Variants in EXOC6B observed in about 807,000 individuals in gnomAD.
EXOC6B encodes the protein SEC15 homolog B.
Under a neutral mutation model 113.5 loss-of-function variants are expected in EXOC6B, and 54 were observed. The ratio of observed to expected loss-of-function variants is 0.48; its 90% CI spans 0.38 to 0.60. EXOC6B has a LOEUF of 0.60. Among genes scored for constraint, EXOC6B ranks in the 20% least tolerant of loss-of-function variants. The probability of loss-of-function intolerance (pLI) is 0.00; values close to 1 mark genes in which losing one functional copy is unlikely to be tolerated. For missense variants in EXOC6B, 797 were observed against 977.5 expected (o/e 0.82, Z 2.46); for synonymous variants, 357 against 339.0 (o/e 1.05, Z -0.58).
At chr2:72,624,434 T>C (rs1671929638) in intron 6 of EXOC6B, among the ~76,000 whole-genome samples, 1 of 152,060 alleles carries the variant, frequency 6.6e-6, no homozygotes, top group African/African-American at 2.4e-5. Context: ...TGATCTTACT[T>C]ATAAAAATAA....
intron 20 of EXOC6B, among the ~76,000 whole-genome samples, chr2:72,213,815 A>T (rs1232196210): frequency 6.6e-6 from 1 of 152,116 alleles, no homozygotes; most frequent in African/African-American, 2.4e-5. Context: ...ACACAGCAAG[A>T]AGTTTCCATG....
intron 18 of EXOC6B, among the ~76,000 whole-genome samples, chr2:72,391,011 G>A (rs550959574): frequency 2.0e-5 from 3 of 151,918 alleles, no homozygotes; most frequent in South Asian, 2.1e-4. Context: ...CAGTTATTTC[G>A]TCCCCAAACT....
chr2:72,277,136 C>G (rs1010733349), intron 20 of EXOC6B, among the ~76,000 whole-genome samples: 73 of 152,098 alleles, frequency 4.8e-4, no homozygotes, highest in South Asian at 2.1e-4. Context: ...TAGTTAAGTG[C>G]CCTCCCATAA....
At chr2:72,332,654 A>G (rs1256555267) in intron 20 of EXOC6B, among the ~76,000 whole-genome samples, 5 of 152,132 alleles carry the variant, frequency 3.3e-5, no homozygotes, top group African/African-American at 4.8e-5. Flanking sequence ...ATATTCAATC[A>G]AAGTCTGGGG....
At chr2:72,628,226 C>A (rs972399795) in intron 6 of EXOC6B, among the ~76,000 whole-genome samples, 2 of 151,788 alleles carry the variant, frequency 1.3e-5, no homozygotes, top group Non-Finnish European at 2.9e-5. Context: ...CTGGGCTCAA[C>A]AATCCTCCCA....
chr2:72,709,855 C>T (rs993770463), intron 6 of EXOC6B, among the ~76,000 whole-genome samples: 1 of 151,798 alleles, frequency 6.6e-6, no homozygotes, highest in African/African-American at 2.4e-5. Context: ...TTAAAGCCAT[C>T]ACTGAAAATA....
At chr2:72,446,803 T>C (rs1696611194) in intron 18 of EXOC6B, among the ~76,000 whole-genome samples, 1 of 152,106 alleles carries the variant, frequency 6.6e-6, no homozygotes, top group African/African-American at 2.4e-5. Flanking sequence ...AAATCCTGCT[T>C]CAAACTAACA....
At chr2:72,812,517 A>C (rs908908455) in intron 1 of EXOC6B, among the ~76,000 whole-genome samples, 6 of 152,132 alleles carry the variant, frequency 3.9e-5, no homozygotes, top group Non-Finnish European at 8.8e-5. Context: ...CTGATGTAGA[A>C]AAGATTATTC....
chr2:72,500,877 G>A (rs1044820466), intron 11 of EXOC6B, among the ~76,000 whole-genome samples: 1 of 152,026 alleles, frequency 6.6e-6, no homozygotes, highest in South Asian at 2.1e-4. Flanking sequence ...CAGCTTGTCC[G>A]TTTCTCTTCA....
chr2:72,260,865 C>G (rs188169983), intron 20 of EXOC6B, among the ~76,000 whole-genome samples: 32 of 152,218 alleles, frequency 2.1e-4, no homozygotes, highest in Middle Eastern at 3.4e-3. Context: ...TTTCTCTAAA[C>G]CATTGATTTA....
intron 20 of EXOC6B, among the ~76,000 whole-genome samples, chr2:72,209,813 G>T (rs1680075136): frequency 6.6e-6 from 1 of 152,162 alleles, no homozygotes; most frequent in Non-Finnish European, 1.5e-5. Flanking sequence ...TCAAAATCAA[G>T]GCTAGGGTGC....
chr2:72,574,234 T>TA (rs1558809017), intron 7 of EXOC6B, among the ~76,000 whole-genome samples: 2 of 152,164 alleles, frequency 1.3e-5, no homozygotes, highest in African/African-American at 4.8e-5. Context: ...TCAAATAGTT[T>TA]AAACATTGCC....
intron 18 of EXOC6B, among the ~76,000 whole-genome samples, chr2:72,449,578 A>G (rs559802570): frequency 5.9e-5 from 9 of 151,944 alleles, no homozygotes; most frequent in Non-Finnish European, 1.2e-4. Flanking sequence ...ACCATACAGG[A>G]CCAATATAAA....
chr2:72,230,717 C>T (rs1383398631), intron 20 of EXOC6B, among the ~76,000 whole-genome samples: 1 of 152,084 alleles, frequency 6.6e-6, no homozygotes, highest in African/African-American at 2.4e-5. Flanking sequence ...TTTAAGTGTG[C>T]AATTGTTAGA....
intron 7 of EXOC6B, among the ~76,000 whole-genome samples, chr2:72,565,612 C>A (rs1464288211): frequency 1.3e-5 from 2 of 151,570 alleles, no homozygotes; most frequent in Admixed American, 6.6e-5. Flanking sequence ...AAGAAAAAAA[C>A]CAAAATCATT....
intron 20 of EXOC6B, among the ~76,000 whole-genome samples, chr2:72,250,330 T>A (rs1682932340): frequency 6.6e-6 from 1 of 152,188 alleles, no homozygotes; most frequent in South Asian, 2.1e-4. Context: ...CAGGAACATA[T>A]TTTTTAAATT....
intron 20 of EXOC6B, among the ~76,000 whole-genome samples, chr2:72,289,363 A>G (rs1685645275): frequency 6.6e-6 from 1 of 152,154 alleles, no homozygotes; most frequent in African/African-American, 2.4e-5. Context: ...TTACTTGAAA[A>G]TGTCAATAAA....
chr2:72,710,380 A>G (rs1679193718), intron 6 of EXOC6B, among the ~76,000 whole-genome samples: 1 of 152,156 alleles, frequency 6.6e-6, no homozygotes, highest in East Asian at 1.9e-4. Flanking sequence ...AAAATATTTC[A>G]GAAGCATATG....
At chr2:72,643,019 C>T (rs1337056791) in intron 6 of EXOC6B, among the ~76,000 whole-genome samples, 107 of 152,222 alleles carry the variant, frequency 7.0e-4, no homozygotes, top group Middle Eastern at 6.8e-3. Context: ...AAAATGCTCA[C>T]CATCACTGGC....
Sources: gnomAD v4.1 joint callset for allele counts (sites outside exome capture counted in the v4.1 genomes callset) on GRCh38, gnomAD v4.1.1 for gene constraint, MANE v1.5 for transcripts, NCBI Gene and HGNC (gene_info 2026-07-23, HGNC 2026-07-21) for gene names.